GRIP1: variants seen among roughly 807,000 people sequenced by gnomAD.
GRIP1 encodes glutamate receptor interacting protein 1.
In GRIP1, 45 loss-of-function variants were observed where a neutral mutation model predicts 129.9. That is an observed-to-expected ratio of 0.35 (90% CI 0.27 to 0.44). GRIP1 has a LOEUF of 0.44. GRIP1 is among the 20% of genes least tolerant of loss of function. The pLI, the probability that GRIP1 is intolerant of heterozygous loss-of-function variation, is 1.00. For synonymous variants in GRIP1, 530 were observed against 520.8 expected, an observed-to-expected ratio of 1.02 and a Z score of -0.24; for missense variants, 1,196 against 1,396.8, an observed-to-expected ratio of 0.86 and a Z score of 2.29.
chr12:66,696,032 C>T (rs753375618), intron 1 of GRIP1, among the ~76,000 whole-genome samples: 34 of 151,560 alleles, frequency 2.2e-4, no homozygotes, highest in African/African-American at 3.2e-4. Flanking sequence ...TGAAAGAAAA[C>T]GGAAAAACTA....
chr12:66,987,227 C>A (rs2042325859), intron 1 of GRIP1, among the ~76,000 whole-genome samples: 1 of 152,154 alleles, frequency 6.6e-6, no homozygotes, highest in African/African-American at 2.4e-5. Flanking sequence ...TCTGTGAAGA[C>A]AAGGGTTATT....
chr12:66,826,442 A>G (rs1443849542), intron 1 of GRIP1, among the ~76,000 whole-genome samples: 1 of 152,196 alleles, frequency 6.6e-6, no homozygotes, highest in African/African-American at 2.4e-5. Flanking sequence ...CCCAGAACTT[A>G]AAGTATAAAA....
chr12:66,614,321 T>A (rs1423491382), intron 1 of GRIP1, among the ~76,000 whole-genome samples: 1 of 152,080 alleles, frequency 6.6e-6, no homozygotes, highest in African/African-American at 2.4e-5. Context: ...AAAGGCATTT[T>A]AATCTTAACA....
intron 1 of GRIP1, among the ~76,000 whole-genome samples, chr12:66,723,325 TTTTTTGA>T (rs2036152016): frequency 2.0e-5 from 2 of 99,546 alleles, no homozygotes; most frequent in African/African-American, 8.9e-5. Flanking sequence ...TTTTTTTTTT[TTTTTTGA>T]GACAGAGTCT....
intron 1 of GRIP1, among the ~76,000 whole-genome samples, chr12:66,624,808 A>G (rs1371704069): frequency 6.6e-6 from 1 of 152,178 alleles, no homozygotes; most frequent in African/African-American, 2.4e-5. Flanking sequence ...TAATTATTTC[A>G]TTTAGCACGA....
chr12:66,352,088 TTA>T (rs2054255166), intron 24 of GRIP1, among the ~76,000 whole-genome samples: 1 of 152,174 alleles, frequency 6.6e-6, no homozygotes, highest in Admixed American at 6.5e-5. Flanking sequence ...CTGAGCACTT[TTA>T]TGTGACAGCA....
At chr12:66,415,203 C>G (rs372719984) in intron 15 of GRIP1, among the ~76,000 whole-genome samples, 1 of 152,018 alleles carries the variant, frequency 6.6e-6, no homozygotes, top group African/African-American at 2.4e-5. Context: ...AGACAACATA[C>G]AGAATGGCAG....
chr12:66,480,446 T>C (rs1263514460), intron 7 of GRIP1, among the ~76,000 whole-genome samples: 1 of 152,148 alleles, frequency 6.6e-6, no homozygotes, highest in African/African-American at 2.4e-5. Flanking sequence ...TCCATTCTCA[T>C]GGATAGGAAG....
At chr12:67,035,303 G>C (rs2043078901) in intron 1 of GRIP1, among the ~76,000 whole-genome samples, 1 of 152,088 alleles carries the variant, frequency 6.6e-6, no homozygotes, top group Admixed American at 6.6e-5. Context: ...GACACCCCCT[G>C]CCTCAGCCCC....
chr12:66,410,635 C>G (rs572273736), intron 15 of GRIP1, among the ~76,000 whole-genome samples: 1 of 143,954 alleles, frequency 6.9e-6, no homozygotes, highest in South Asian at 2.3e-4. Flanking sequence ...GAGTGAGACT[C>G]TGTCTCAAAA....
At chr12:66,575,919 C>T (rs2063124073) in intron 2 of GRIP1, among the ~76,000 whole-genome samples, 1 of 152,010 alleles carries the variant, frequency 6.6e-6, no homozygotes, top group African/African-American at 2.4e-5. Context: ...TAAAAGAATG[C>T]CCTAGCTGTT....
chr12:67,058,468 T>G (rs1388455875), intron 1 of GRIP1, among the ~76,000 whole-genome samples: 1 of 152,240 alleles, frequency 6.6e-6, no homozygotes, highest in African/African-American at 2.4e-5. Flanking sequence ...CTAAACATCT[T>G]TATTCAAAAT....
chr12:66,539,305 T>G (rs1287382722), intron 3 of GRIP1, 82 bp from the exon 4 acceptor site: 35 of 1,572,812 alleles, frequency 2.2e-5, no homozygotes, highest in South Asian at 2.0e-4. Context: ...CCCTTCATGG[T>G]AAGCATGCAA....
At chr12:66,695,647 T>C (rs142710655) in intron 1 of GRIP1, among the ~76,000 whole-genome samples, 50 of 152,240 alleles carry the variant, frequency 3.3e-4, no homozygotes, top group Admixed American at 1.8e-3. Flanking sequence ...AGGTACAAAA[T>C]TGAGGTTGAT....
At chr12:67,041,231 T>C (rs1344492629) in intron 1 of GRIP1, among the ~76,000 whole-genome samples, 3 of 152,250 alleles carry the variant, frequency 2.0e-5, no homozygotes, top group African/African-American at 4.8e-5. Context: ...GTATTATATA[T>C]ACATGTATGC....
chr12:66,821,879 A>G (rs927568471), intron 1 of GRIP1, among the ~76,000 whole-genome samples: 3 of 152,266 alleles, frequency 2.0e-5, no homozygotes, highest in South Asian at 4.1e-4. Context: ...AGTCATATCT[A>G]ATAGGGGTTT....
chr12:66,447,706 G>T lies in GRIP1; in HGVS notation c.1355-2198C>A, dbSNP rs75017597. Among the ~76,000 whole-genome samples the T allele has an allele frequency of 4.3e-3, 644 of 150,966 alleles. 6 individuals carry two copies. The highest frequency in any genetic ancestry group is 0.015 in the African/African-American group (602 of 41,014). ...ATGATTTTGTGCCATGAAAAAATTT[G>T]CCTCTTGCTGCTTTTCCAAACTTTT... is the stretch of plus-strand genomic sequence containing the variant. On this transcript the variant is annotated intron_variant, in intron 11 of 24. Transcript: ENST00000359742.
intron 13 of GRIP1, among the ~76,000 whole-genome samples, chr12:66,436,180 CCTT>C (rs1486379466): frequency 1.3e-5 from 2 of 152,156 alleles, no homozygotes; most frequent in Admixed American, 6.5e-5. Flanking sequence ...ACAAAGGTCT[CCTT>C]CTTTCCAAGT....
intron 1 of GRIP1, among the ~76,000 whole-genome samples, chr12:66,833,185 G>T (rs2039549353): frequency 2.0e-5 from 3 of 152,302 alleles, no homozygotes; most frequent in Admixed American, 6.5e-5. Flanking sequence ...AGTCTTGAGT[G>T]GTGCAAAGGT....
Sources: gnomAD v4.1 joint callset for allele counts (sites outside exome capture counted in the v4.1 genomes callset) on GRCh38, gnomAD v4.1.1 for gene constraint, MANE v1.5 for transcripts, NCBI Gene and HGNC (gene_info 2026-07-23, HGNC 2026-07-21) for gene names.